Variants in FRRS1 observed in about 807,000 individuals in gnomAD.
FRRS1 encodes ferric chelate reductase 1.
A neutral mutation model predicts 70.7 loss-of-function variants in FRRS1; 51 were observed. That is an observed-to-expected ratio of 0.72 (90% CI 0.58 to 0.91). FRRS1 has a LOEUF of 0.91. Among genes scored for constraint, FRRS1 ranks in the 40% least tolerant of loss-of-function variants. The pLI is 0.00. For missense variants in FRRS1, 672 were observed against 726.0 expected, an observed-to-expected ratio of 0.93 and a Z score of 0.86; for synonymous variants, 225 against 238.7, an observed-to-expected ratio of 0.94 and a Z score of 0.53.
At chr1:99,760,002 G>C (rs1391148204) in intron 1 of FRRS1, among the ~76,000 whole-genome samples, 1 of 152,208 alleles carries the variant, frequency 6.6e-6, no homozygotes, top group Non-Finnish European at 1.5e-5. Context: ...CAAACAAAGT[G>C]AGTGGGGAGC....
rs184432574 is a variant in FRRS1 at position 99,705,424 on chromosome 1, C to T, written c.*3604G>A. Among the ~76,000 whole-genome samples, 20 of 152,306 alleles carry T rather than the reference C, an allele frequency of 1.3e-4. No homozygotes were observed. Among genetic ancestry groups the T allele is most frequent in the Admixed American group, 1.1e-3 (17 of 15,310 alleles). ...AAAAGGACTCTTAGAAGAATCTTTC[C>T]TTTCATTCCAACCTATAATGGATTA... On this transcript the variant is annotated 3_prime_UTR_variant, in exon 17 of 17. Transcript: ENST00000646001.
At chr1:99,729,777 A>G (rs774249800) in intron 7 of FRRS1, 29 bp from the exon 8 acceptor site, 24 of 1,439,428 alleles carry the variant, frequency 1.7e-5, no homozygotes, top group Non-Finnish European at 2.2e-5. Context: ...TGAGAAAAAA[A>G]GCTCAAAGGA....
chr1:99,742,363 T>C, intron 4 of FRRS1, 90 bp from the exon 5 acceptor site: 1 of 771,680 alleles, frequency 1.3e-6, no homozygotes, highest in South Asian at 1.5e-5. Flanking sequence ...AATTTATCAT[T>C]GCATGACATT....
chr1:99,715,416 C>G (rs1022461292), intron 12 of FRRS1, among the ~76,000 whole-genome samples, 170 bp downstream of exon 12: 1 of 152,200 alleles, frequency 6.6e-6, no homozygotes, highest in Non-Finnish European at 1.5e-5. Flanking sequence ...CTGACATCCT[C>G]ACTATACCCC....
At chr1:99,752,595 T>C (rs1256308907) in intron 1 of FRRS1, among the ~76,000 whole-genome samples, 1 of 152,042 alleles carries the variant, frequency 6.6e-6, no homozygotes, top group East Asian at 1.9e-4. Context: ...CCATAACAGA[T>C]ATAATGAAAA....
intron 1 of FRRS1, among the ~76,000 whole-genome samples, chr1:99,766,011 A>G (rs1161574162): frequency 1.3e-5 from 2 of 152,178 alleles, no homozygotes; most frequent in African/African-American, 4.8e-5. Context: ...TATTCCTAAT[A>G]ACACATTTAC....
chr1:99,761,121 AT>A (rs1657096030), intron 1 of FRRS1, among the ~76,000 whole-genome samples: 1 of 148,942 alleles, frequency 6.7e-6, no homozygotes, highest in Non-Finnish European at 1.5e-5. Flanking sequence ...TTTCTTTTTA[AT>A]TTTGTTTTGG....
At chr1:99,730,990 C>T (rs1655351867) in intron 7 of FRRS1, among the ~76,000 whole-genome samples, 1 of 152,006 alleles carries the variant, frequency 6.6e-6, no homozygotes, top group Non-Finnish European at 1.5e-5. Context: ...GTGGCATGAT[C>T]GTGCCACTGC....
intron 1 of FRRS1, among the ~76,000 whole-genome samples, chr1:99,762,035 G>A (rs1657131974): frequency 6.6e-6 from 1 of 152,196 alleles, no homozygotes; most frequent in Non-Finnish European, 1.5e-5. Context: ...TACAGAAAAT[G>A]AGAGGTGAAA....
chr1:99,711,461 T>C lies in FRRS1; in HGVS notation c.1481-512A>G, dbSNP rs576842878. ...TGTTGCTACAAAAGACATGACTTCATTCTTTTTTATGGCTGCGTAATCTAC... is the reference window on the plus strand; with the variant it reads ...TGTTGCTACAAAAGACATGACTTCACTCTTTTTTATGGCTGCGTAATCTAC... On this transcript the variant is annotated intron_variant, in intron 14 of 16. Coordinates refer to ENST00000646001, the MANE Select transcript of FRRS1 (RefSeq NM_001361041.2). 5 of 153,116 alleles carry C rather than the reference T, an allele frequency of 3.3e-5. 1 individual carries two copies. Among genetic ancestry groups the C allele is most frequent in the African/African-American group, 1.2e-4 (5 of 41,610 alleles). 9.5% of individuals were successfully genotyped at this position (153,116 alleles called of 1,614,324 possible). A position where few individuals can be genotyped will look rare whatever the true frequency, so the allele number is the denominator to read the frequency against.
In FRRS1 at chr1:99,706,700, C is replaced by T. The variant is rs1654046253; in HGVS notation, c.*2328G>A. ...CTTTAGACCAGGAGTTTGGGACCAG[C>T]CTGGCCAAAATGTGAAACCCCCGTC... is the stretch of plus-strand genomic sequence containing the variant. On this transcript the variant is annotated 3_prime_UTR_variant, in exon 17 of 17. Coordinates refer to ENST00000646001, the MANE Select transcript of FRRS1 (RefSeq NM_001361041.2). Among the ~76,000 whole-genome samples the T allele has an allele frequency of 6.6e-6, 1 of 152,000 alleles. No homozygotes were observed. The highest frequency in any genetic ancestry group is 1.5e-5 in the Non-Finnish European group (1 of 67,996).
Position 99,706,346 on chromosome 1 carries a change from C to A in FRRS1, c.*2682G>T, listed in dbSNP as rs1654037379. On this transcript the variant is annotated 3_prime_UTR_variant, in exon 17 of 17. Transcript: ENST00000646001. ...ATCACTAAAGCCCAAGAGGTCAAGG[C>A]TGCAGTGGGCTAAGATCGCACCACT... Among the ~76,000 whole-genome samples the A allele has an allele frequency of 6.6e-6, 1 of 150,442 alleles. No homozygotes were observed. The highest frequency in any genetic ancestry group is 2.1e-4 in the South Asian group (1 of 4,774).
intron 11 of FRRS1, 95 bp from the exon 12 acceptor site, chr1:99,715,767 G>GT: frequency 1.3e-6 from 1 of 756,794 alleles, no homozygotes; most frequent in Non-Finnish European, 2.3e-6. Context: ...TATGGGGTAA[G>GT]ATTCACTGAA....
At position 99,710,087 on chromosome 1, in the gene FRRS1, T is replaced by A. The variant is rs142429886; in HGVS notation, c.1624+719A>T. 2.3e-3 allele frequency among the ~76,000 whole-genome samples: 352 copies of A among 152,290 alleles called. 1 individual carries two copies. Among genetic ancestry groups the A allele is most frequent in the Middle Eastern group, 0.02 (6 of 294 alleles). ...GCAGGACAGATATGTACTACTCAGC[T>A]CCTGAAGCCACCCCAGGCTCTCCTA... On this transcript the variant is annotated intron_variant, in intron 15 of 16. Coordinates refer to ENST00000646001, the MANE Select transcript of FRRS1 (RefSeq NM_001361041.2).
chr1:99,753,130 T>C (rs1423491320), intron 1 of FRRS1, among the ~76,000 whole-genome samples: 1 of 151,482 alleles, frequency 6.6e-6, no homozygotes, highest in South Asian at 2.1e-4. Flanking sequence ...GGAGGATCCA[T>C]TGAGCCCAAG....
chr1:99,740,540 A>G (rs565748528), intron 6 of FRRS1, among the ~76,000 whole-genome samples: 1 of 152,310 alleles, frequency 6.6e-6, no homozygotes, highest in South Asian at 2.1e-4. Flanking sequence ...ACTCCTATGT[A>G]ATGTCTTATT....
chr1:99,710,328 G>C (rs1654215856), intron 15 of FRRS1, among the ~76,000 whole-genome samples: 1 of 150,762 alleles, frequency 6.6e-6, no homozygotes, highest in South Asian at 2.1e-4. Context: ...TCACTAAAGA[G>C]CAAAAGCAAA....
chr1:99,723,567 G>C (rs754313571), intron 9 of FRRS1, among the ~76,000 whole-genome samples: 3 of 152,086 alleles, frequency 2.0e-5, no homozygotes, highest in Non-Finnish European at 4.4e-5. Flanking sequence ...TAGAAGAACA[G>C]ATACATATGA....
At chr1:99,760,961 C>A (rs1300230631) in intron 1 of FRRS1, among the ~76,000 whole-genome samples, 1 of 151,890 alleles carries the variant, frequency 6.6e-6, no homozygotes, top group Non-Finnish European at 1.5e-5. Context: ...GTAGGAAAGA[C>A]TTCTGAAAAA....
Sources: allele counts gnomAD v4.1 joint callset (sites outside exome capture counted in the v4.1 genomes callset), GRCh38; gene constraint gnomAD v4.1.1; transcripts MANE v1.5; gene names NCBI Gene and HGNC (gene_info 2026-07-23, HGNC 2026-07-21).